Variants in PIGK observed in about 807,000 individuals in gnomAD.
The protein encoded by PIGK is GPI-anchor transamidase.
In PIGK, 42 loss-of-function variants were observed where a neutral mutation model predicts 50.6. The ratio of observed to expected loss-of-function variants is 0.83; its 90% CI spans 0.65 to 1.07. The LOEUF (loss-of-function observed/expected upper bound fraction) is 1.07, where lower values mean the gene tolerates loss of function less well. Among genes scored for constraint, PIGK ranks in the 50% least tolerant of loss-of-function variants. The pLI is 0.00. For missense variants in PIGK, 448 were observed against 488.7 expected, an observed-to-expected ratio of 0.92 and a Z score of 0.78; for synonymous variants, 151 against 156.0, an observed-to-expected ratio of 0.97 and a Z score of 0.24.
intron 10 of PIGK, among the ~76,000 whole-genome samples, chr1:77,113,664 A>G (rs1376495391): frequency 6.6e-6 from 1 of 152,160 alleles, no homozygotes; most frequent in Non-Finnish European, 1.5e-5. Context: ...GAAATTAAAA[A>G]TGATTTTATT....
Position 77,089,036 on chromosome 1 carries a change from A to G in PIGK, c.*3338T>C, listed in dbSNP as rs939576206. The G allele has an allele frequency of 7.9e-6, 1 of 126,624 alleles. No homozygotes were observed. The highest frequency in any genetic ancestry group is 7.7e-5 in the Admixed American group (1 of 13,004). 7.8% of individuals were successfully genotyped at this position (126,624 alleles called of 1,614,324 possible). ...TAACCAGTTTCTTGGTTACAACTTC[A>G]TCTATATAAATCCCCTTATTCTAGG... is the stretch of plus-strand genomic sequence containing the variant. On this transcript the variant is annotated 3_prime_UTR_variant, in exon 11 of 11. Coordinates refer to ENST00000370812, the MANE Select transcript of PIGK (RefSeq NM_005482.3).
At chr1:77,176,968 T>C (rs1366997776) in intron 3 of PIGK, among the ~76,000 whole-genome samples, 1 of 152,218 alleles carries the variant, frequency 6.6e-6, no homozygotes, top group Non-Finnish European at 1.5e-5. Flanking sequence ...AATGTTTGGT[T>C]TGTCAAACCC....
At chr1:77,191,984 A>G (rs1048584470) in intron 3 of PIGK, among the ~76,000 whole-genome samples, 2 of 152,162 alleles carry the variant, frequency 1.3e-5, no homozygotes, top group Non-Finnish European at 2.9e-5. Flanking sequence ...AAAGAAATCG[A>G]ATTCTATTCA....
intron 8 of PIGK, among the ~76,000 whole-genome samples, chr1:77,155,699 G>A (rs1313994550): frequency 6.6e-6 from 1 of 152,024 alleles, no homozygotes; most frequent in Non-Finnish European, 1.5e-5. Flanking sequence ...AAATTATTTA[G>A]TTTGGCTGAA....
intron 10 of PIGK, among the ~76,000 whole-genome samples, chr1:77,096,714 A>G (rs79714508): frequency 2.0e-5 from 3 of 152,148 alleles, no homozygotes; most frequent in Non-Finnish European, 4.4e-5. Context: ...AGCTAAATAA[A>G]TGACTGATGT....
intron 10 of PIGK, among the ~76,000 whole-genome samples, chr1:77,111,762 A>T (rs1325216310): frequency 6.6e-6 from 1 of 152,182 alleles, no homozygotes; most frequent in Admixed American, 6.5e-5. Context: ...TATAATAATA[A>T]AAAATAAAAT....
intron 2 of PIGK, among the ~76,000 whole-genome samples, chr1:77,207,841 T>A (rs71588888): frequency 0.11 from 17,153 of 152,008 alleles, 1,313 homozygotes; most frequent in African/African-American, 0.21. Context: ...GGTTTTTTTT[T>A]AAATTAAGTT....
rs188715700 is a variant in PIGK, at chr1:77,136,122, A to T, written c.987-13763T>A. 1.0e-3 allele frequency among the ~76,000 whole-genome samples: 154 copies of T among 152,220 alleles called. 2 individuals are homozygous for T. The highest frequency in any genetic ancestry group is 3.5e-3 in the African/African-American group (145 of 41,560). On this transcript the variant is annotated intron_variant, in intron 9 of 10. Transcript: ENST00000370812. ...ATGTTTGAAAATGTCCTTATTTTTC[A>T]TTCAGTCCTTAATGGTAGCTTAGCC...
At chr1:77,115,479 T>C (rs886506532) in intron 10 of PIGK, among the ~76,000 whole-genome samples, 1 of 151,962 alleles carries the variant, frequency 6.6e-6, no homozygotes, top group African/African-American at 2.4e-5. Context: ...AGCAGTGCTA[T>C]TGGCAACCAG....
intron 1 of PIGK, among the ~76,000 whole-genome samples, chr1:77,215,829 G>T (rs1386483529): frequency 6.6e-6 from 1 of 152,150 alleles, no homozygotes; most frequent in Non-Finnish European, 1.5e-5. Flanking sequence ...AGTGAAATAA[G>T]TCAGGCACAG....
At chr1:77,183,310 C>G (rs1655663638) in intron 3 of PIGK, among the ~76,000 whole-genome samples, 1 of 152,234 alleles carries the variant, frequency 6.6e-6, no homozygotes. Flanking sequence ...GCAGTGGCAA[C>G]ATCCCCTCTC....
chr1:77,102,230 C>A (rs1653562790), intron 10 of PIGK, among the ~76,000 whole-genome samples: 1 of 152,208 alleles, frequency 6.6e-6, no homozygotes, highest in African/African-American at 2.4e-5. Flanking sequence ...ACTGAAGAGG[C>A]ATCCAGGCTT....
chr1:77,123,675 C>T (rs928939152), intron 9 of PIGK, among the ~76,000 whole-genome samples: 5 of 151,808 alleles, frequency 3.3e-5, no homozygotes, highest in East Asian at 1.9e-4. Flanking sequence ...ATAGAGGTTC[C>T]GTTCGCAAGA....
intron 9 of PIGK, among the ~76,000 whole-genome samples, chr1:77,140,777 T>C (rs1393725211): frequency 2.6e-5 from 4 of 152,210 alleles, no homozygotes; most frequent in Non-Finnish European, 2.9e-5. Flanking sequence ...AGAAGATACG[T>C]ATCAGTGTTT....
At chr1:77,119,069 T>G (rs918696281) in intron 10 of PIGK, among the ~76,000 whole-genome samples, 1 of 152,228 alleles carries the variant, frequency 6.6e-6, no homozygotes, top group Non-Finnish European at 1.5e-5. Context: ...ATTTATCTGA[T>G]TACAGCTGCG....
At chr1:77,115,415 G>C (rs1458870634) in intron 10 of PIGK, among the ~76,000 whole-genome samples, 1 of 151,896 alleles carries the variant, frequency 6.6e-6, no homozygotes, top group Admixed American at 6.6e-5. Context: ...CACAGGCGGG[G>C]AGGAGTTCAG....
intron 3 of PIGK, among the ~76,000 whole-genome samples, chr1:77,171,616 A>G (rs1302548893): frequency 6.6e-6 from 1 of 152,042 alleles, no homozygotes; most frequent in East Asian, 1.9e-4. Flanking sequence ...TCTCTTAGAG[A>G]TAATTTTAAG....
intron 1 of PIGK, among the ~76,000 whole-genome samples, chr1:77,217,085 A>G (rs2100592498): frequency 6.6e-6 from 1 of 152,326 alleles, no homozygotes; most frequent in Middle Eastern, 3.4e-3. Context: ...ACATTACACT[A>G]TAATTATTAC....
At chr1:77,127,938 C>T (rs557797839) in intron 9 of PIGK, among the ~76,000 whole-genome samples, 402 of 152,208 alleles carry the variant, frequency 2.6e-3, no homozygotes, top group African/African-American at 9.4e-3. Flanking sequence ...TAATAGATAA[C>T]ACATATTGTA....
Sources: allele counts gnomAD v4.1 joint callset (sites outside exome capture counted in the v4.1 genomes callset), GRCh38; gene constraint gnomAD v4.1.1; transcripts MANE v1.5; gene names NCBI Gene and HGNC (gene_info 2026-07-23, HGNC 2026-07-21).